Variants in AGRN observed in about 807,000 individuals in gnomAD.
AGRN encodes the protein agrin.
In AGRN, 106 loss-of-function variants were observed where a neutral mutation model predicts 211.0. That is an observed-to-expected ratio of 0.50 (90% confidence interval 0.43 to 0.59). The LOEUF is 0.59. Ranked by LOEUF, AGRN falls within the 20% of genes least tolerant of loss-of-function variation. The pLI is 0.00. For missense variants in AGRN, 3,040 were observed against 2,982.6 expected, an observed-to-expected ratio of 1.02 and a Z score of -0.45; for synonymous variants, 1,525 against 1,332.5, an observed-to-expected ratio of 1.14 and a Z score of -3.15.
In AGRN at chr1:1,031,387, C is replaced by A. The variant is rs770935414; in HGVS notation, c.464-3890C>A. ...ATGAGCCTGCGTGGGCTGGTCAGGG[C>A]TGAATGATTTTGTCTGAAGATCCCA... On this transcript the variant is annotated intron_variant, in intron 2 of 35. Transcript: ENST00000379370. This position sits in a 1 kb window ranked among gnomAD's most constrained non-coding sequence, Gnocchi z 4.8. Among the ~76,000 whole-genome samples, 13 of 152,270 alleles carry A rather than the reference C, an allele frequency of 8.5e-5. No individual in the cohort carries two copies. Among genetic ancestry groups the A allele is most frequent in the Non-Finnish European group, 1.2e-4 (8 of 68,004 alleles).
Position 1,050,740 on chromosome 1 carries a change from T to C in AGRN, c.5156T>C (p.Val1719Ala), listed in dbSNP as rs1645259762. The C allele has an allele frequency of 1.2e-6, 2 of 1,603,026 alleles. No individual in the cohort carries two copies. Among genetic ancestry groups the C allele is most frequent in the Admixed American group, 1.7e-5 (1 of 59,054 alleles). The stretch of plus-strand genomic sequence containing the variant: ...CTCCTCACCAGGAGCAGGGAGCCAG[T>C]CACCCTGGGAGCCTGGACCAGGGTC... Reference protein sequence around the residue: ...GAAVIRSREPVTLGAWTRVSL... With the variant: ...GAAVIRSREPATLGAWTRVSL... Residue 1719 changes from valine (V) to alanine (A), a missense_variant, in exon 30 of 36, where the codon GTC becomes GCC. Physicochemically the swap from Val to Ala is moderately conservative, Grantham distance 64. Coordinates refer to ENST00000379370, the MANE Select transcript of AGRN (RefSeq NM_198576.4).
chr1:1,032,959 G>A lies in AGRN; in HGVS notation c.464-2318G>A, dbSNP rs1270670164. Among the ~76,000 whole-genome samples, 1 of 152,040 alleles carries A rather than the reference G, an allele frequency of 6.6e-6. No individual in the cohort carries two copies. Among genetic ancestry groups the A allele is most frequent in the Admixed American group, 6.5e-5 (1 of 15,280 alleles). ...CCCTTACCCCCGGATCCCCCGGCTG[G>A]GCAGCGGCCAGGGAGAGGGGCGACC... On this transcript the variant is annotated intron_variant, in intron 2 of 35. Transcript: ENST00000379370. The surrounding 1 kb of genome is among the most constrained non-coding windows in gnomAD (Gnocchi z 4.7).
intron 1 of AGRN, 106 bp from the exon 2 acceptor site, chr1:1,022,095 C>T: frequency 1.4e-6 from 2 of 1,436,692 alleles, no homozygotes; most frequent in Non-Finnish European, 1.9e-6. Context: ...CATCTCTGCC[C>T]AGGGCTTGAG....
intron 3 of AGRN, among the ~76,000 whole-genome samples, chr1:1,039,375 G>A (rs1012036930): frequency 3.4e-5 from 5 of 147,982 alleles, no homozygotes; most frequent in Non-Finnish European, 7.4e-5. Context: ...AGCAACAGCT[G>A]GCTCCAGCTC....
intron 35 of AGRN, 36 bp downstream of exon 35, chr1:1,054,587 AG>A: frequency 6.4e-7 from 1 of 1,557,364 alleles, no homozygotes; most frequent in East Asian, 2.4e-5. Context: ...GGGATGCCCA[AG>A]GGTCTCATGA....
At chr1:1,047,517 A>G in intron 20 of AGRN, 56 bp from the exon 21 acceptor site, 5 of 1,612,808 alleles carry the variant, frequency 3.1e-6, no homozygotes, top group Non-Finnish European at 4.2e-6. Context: ...CCAGAGCAGC[A>G]CCAGGGCAGC....
chr1:1,035,559 GC>G (rs1235378217), intron 3 of AGRN, among the ~76,000 whole-genome samples: 1 of 152,254 alleles, frequency 6.6e-6, no homozygotes. Flanking sequence ...CTGGGCCTCA[GC>G]CCCCTCAGCC....
chr1:1,049,987 G>A lies in AGRN; in HGVS notation c.4829G>A (p.Gly1610Asp). 6.2e-7 allele frequency: 1 copy of A among 1,612,010 alleles called. No homozygotes were observed. Among genetic ancestry groups the A allele is most frequent in the Non-Finnish European group, 8.5e-7 (1 of 1,179,778 alleles). The change falls in exon 27 of 36, where the codon GGT becomes GAT. Residue 1610 changes from glycine to aspartate, a missense_variant. Coordinates refer to ENST00000379370, the MANE Select transcript of AGRN (RefSeq NM_198576.4). ...CCCTGCCGTGTGCTGCCCGAGGGTGGTGCTCAGTGCGAGTGCCCCCTGGGG... is the reference window on the plus strand; with the variant it reads ...CCCTGCCGTGTGCTGCCCGAGGGTGATGCTCAGTGCGAGTGCCCCCTGGGG... ...AAPCRVLPEG[G>D]AQCECPLGRE...
At position 1,053,987 on chromosome 1, in the gene AGRN, G is replaced by T; in HGVS notation, c.5876+10G>T. 1 of 1,587,836 alleles carries T rather than the reference G, an allele frequency of 6.3e-7. No individual in the cohort carries two copies. Among genetic ancestry groups the T allele is most frequent in the Non-Finnish European group, 8.6e-7 (1 of 1,167,804 alleles). ...GGGTCGTGGCACATAGGTGAGTAGG[G>T]AACCCAGCGTGCCGAGAATAGTGGC... On this transcript the variant is annotated intron_variant, in intron 34 of 35. Coordinates refer to ENST00000379370, the MANE Select transcript of AGRN (RefSeq NM_198576.4).
rs773096344 is a variant in AGRN at position 1,048,115 on chromosome 1, C to T, written c.3855C>T (p.Thr1285=). The change falls in exon 23 of 36, where the codon ACC becomes ACT. Residue 1285 remains threonine, a synonymous_variant. Transcript: ENST00000379370. This position sits in a 1 kb window ranked among gnomAD's most constrained non-coding sequence, Gnocchi z 5.9. The part of the protein sequence containing the change: ...TASRLPSSAV[T]PRAPHPSHTS... The stretch of plus-strand genomic sequence containing the variant: ...CGCGCCTGCCGTCCTCTGCTGTGAC[C>T]CCTCGGGCCCCGCACCCCAGTCACA... 4 of 1,568,526 alleles carry T rather than the reference C, an allele frequency of 2.6e-6. No individual in the cohort carries two copies. The highest frequency in any genetic ancestry group is 3.4e-6 in the Non-Finnish European group (4 of 1,164,826).
Position 1,054,808 on chromosome 1 carries a change from A to T in AGRN, c.5981-16A>T. 1 of 1,551,060 alleles carries T rather than the reference A, an allele frequency of 6.4e-7. No homozygotes were observed. Among genetic ancestry groups the T allele is most frequent in the East Asian group, 2.4e-5 (1 of 41,600 alleles). On this transcript the variant is annotated splice_polypyrimidine_tract_variant and intron_variant, in intron 35 of 35. Coordinates refer to ENST00000379370, the MANE Select transcript of AGRN (RefSeq NM_198576.4). ...ACTGAGTCACAGCCGGGTGACTCCC[A>T]CTGTCTGTGCTGCAGGGGGCCTGCC...
At position 1,045,739 on chromosome 1, in the gene AGRN, G is replaced by A; in HGVS notation, c.2543G>A (p.Ser848Asn). Residue 848 changes from serine to asparagine, a missense_variant, in exon 15 of 36, where the codon AGC (serine) becomes AAC (asparagine). Physicochemically the swap from Ser to Asn is conservative, Grantham distance 46. Around this residue, in one of 3 missense-constraint regions of AGRN, gnomAD observed 1,498 missense variants for 1,457.8 expected, o/e 1.03. Transcript: ENST00000379370. ...TDGRSGCTPC[S>N]CDPQGAVRDD... ...TCCCCGATTTTCCCCAAAGCCTGCA[G>A]CTGTGATCCCCAAGGCGCCGTGCGG... 1 of 1,613,392 alleles carries A rather than the reference G, an allele frequency of 6.2e-7. No homozygotes were observed. The highest frequency in any genetic ancestry group is 2.2e-5 in the East Asian group (1 of 44,882).
At chr1:1,045,010 G>A in intron 12 of AGRN, 151 bp from the exon 13 acceptor site, 2 of 759,084 alleles carry the variant, frequency 2.6e-6, no homozygotes, top group Non-Finnish European at 4.5e-6. Context: ...AGCCTCACCT[G>A]TGTCCTCAGC....
intron 3 of AGRN, among the ~76,000 whole-genome samples, chr1:1,039,688 G>T (rs916579774): frequency 6.6e-6 from 1 of 152,070 alleles, no homozygotes; most frequent in Admixed American, 6.5e-5. Flanking sequence ...TGTGTCAGGC[G>T]CTGTGGTCTG....
At chr1:1,047,154 GTCC>G in intron 19 of AGRN, 170 bp from the exon 20 acceptor site, 2 of 1,347,144 alleles carry the variant, frequency 1.5e-6, no homozygotes, top group Non-Finnish European at 2.0e-6. Context: ...GCTCTGAGGA[GTCC>G]TCCTGGTAAC....
chr1:1,027,038 C>A (rs1644535782), intron 2 of AGRN, among the ~76,000 whole-genome samples: 1 of 152,194 alleles, frequency 6.6e-6, no homozygotes. Context: ...CCTCTCCCCC[C>A]AGCACAGATC....
At position 1,054,917 on chromosome 1, in the gene AGRN, A is replaced by G. The variant is rs377296839; in HGVS notation, c.6074A>G (p.His2025Arg). 2.9e-4 allele frequency: 451 copies of G among 1,548,352 alleles called. 4 individuals are homozygous for G. In the African/African-American group the frequency reaches 5.3e-3, roughly 18 times the overall value. The change falls in exon 36 of 36, where the codon CAC becomes CGC. Residue 2025 changes from histidine to arginine, a missense_variant. Coordinates refer to ENST00000379370, the MANE Select transcript of AGRN (RefSeq NM_198576.4). ...TTGCGGGACGTGGTGGTGGGCCGGCACCCGCTGCACCTGCTGGAGGACGCC... is the reference window on the plus strand; with the variant it reads ...TTGCGGGACGTGGTGGTGGGCCGGCGCCCGCTGCACCTGCTGGAGGACGCC... ...GCLRDVVVGRHPLHLLEDAVT... is the reference protein window; with the variant it reads ...GCLRDVVVGRRPLHLLEDAVT...
intron 7 of AGRN, among the ~76,000 whole-genome samples, chr1:1,042,612 C>T (rs749029127): frequency 6.6e-6 from 1 of 152,162 alleles, no homozygotes; most frequent in African/African-American, 2.4e-5. Context: ...GTTCGCCCAT[C>T]TTCTGGTCTT....
At chr1:1,030,049 T>C (rs1205352804) in intron 2 of AGRN, among the ~76,000 whole-genome samples, 1 of 125,372 alleles carries the variant, frequency 8.0e-6, no homozygotes, top group East Asian at 2.8e-4. Context: ...CATGGTGCTG[T>C]GTGAGATCAG....
Sources: allele counts gnomAD v4.1 joint callset (sites outside exome capture counted in the v4.1 genomes callset), GRCh38; gene constraint gnomAD v4.1.1; regional missense constraint gnomAD v4.1.1; non-coding constraint Gnocchi (gnomAD v3.1); transcripts MANE v1.5; gene names NCBI Gene and HGNC (gene_info 2026-07-23, HGNC 2026-07-21).